The following CACNA1E variants were observed in gnomAD, a reference collection of about 807,000 sequenced individuals.
CACNA1E encodes the protein voltage-dependent R-type calcium channel subunit alpha-1E.
In CACNA1E, 40 loss-of-function variants were observed where a neutral mutation model predicts 259.2. That is an observed-to-expected ratio of 0.15 (90% CI 0.12 to 0.20). CACNA1E has a LOEUF of 0.20. Ranked by LOEUF, CACNA1E falls within the 10% of genes least tolerant of loss-of-function variation. The probability of loss-of-function intolerance (pLI) is 1.00; values close to 1 mark genes in which losing one functional copy is unlikely to be tolerated. For synonymous variants in CACNA1E, 1,104 were observed against 1,138.5 expected, an observed-to-expected ratio of 0.97 and a Z score of 0.61; for missense variants, 1,874 against 3,040.1, an observed-to-expected ratio of 0.62 and a Z score of 9.02.
chr1:181,659,773 G>C (rs945286858), intron 7 of CACNA1E, among the ~76,000 whole-genome samples: 1 of 152,222 alleles, frequency 6.6e-6, no homozygotes, highest in African/African-American at 2.4e-5. Flanking sequence ...TATGTGGACA[G>C]TATCTTTATT....
chr1:181,546,083 G>A lies in CACNA1E; in HGVS notation c.513-31683G>A, dbSNP rs1299947655. ...GCCGTGGGGAAGCAGAAGCTGCCCCGACAGTCTTGTAAATGGAGTGTTCAC... is the reference window on the plus strand; with the variant it reads ...GCCGTGGGGAAGCAGAAGCTGCCCCAACAGTCTTGTAAATGGAGTGTTCAC... On this transcript the variant is annotated intron_variant, in intron 3 of 47. Coordinates refer to ENST00000367573, the MANE Select transcript of CACNA1E (RefSeq NM_001205293.3). 3.9e-5 allele frequency among the ~76,000 whole-genome samples: 6 copies of A among 152,068 alleles called. No individual in the cohort carries two copies. In the South Asian group the frequency reaches 6.2e-4, roughly 16 times the overall value.
chr1:181,662,989 A>G (rs1647840006), intron 7 of CACNA1E, among the ~76,000 whole-genome samples: 1 of 152,118 alleles, frequency 6.6e-6, no homozygotes, highest in African/African-American at 2.4e-5. Context: ...CATCCCTCTC[A>G]GCTTGTTTTA....
At chr1:181,509,416 C>A (rs535607633) in intron 1 of CACNA1E, among the ~76,000 whole-genome samples, 59 of 152,292 alleles carry the variant, frequency 3.9e-4, no homozygotes, top group Middle Eastern at 3.4e-3. Context: ...AGAACAGTCC[C>A]TTTCCTTCCC....
rs1654707390 is a variant in CACNA1E, at chr1:181,724,501, T to A, written c.2106T>A (p.Ala702=). The A allele has an allele frequency of 6.2e-7, 1 of 1,613,476 alleles. No individual in the cohort carries two copies. Among genetic ancestry groups the A allele is most frequent in the Non-Finnish European group, 8.5e-7 (1 of 1,179,702 alleles). Residue 702 remains alanine, a synonymous_variant, in exon 17 of 48, where the codon GCT becomes GCA. Transcript: ENST00000367573. ...TACTGAATGTGTTCTTGGCTATCGCTGTGGATAATCTCGCCAACGCCCAGG... is the reference window on the plus strand; with the variant it reads ...TACTGAATGTGTTCTTGGCTATCGCAGTGGATAATCTCGCCAACGCCCAGG... ...YTLLNVFLAI[A]VDNLANAQEL...
intron 3 of CACNA1E, among the ~76,000 whole-genome samples, chr1:181,525,848 G>A (rs12566145): frequency 0.014 from 2,176 of 152,292 alleles, 71 homozygotes; most frequent in East Asian, 0.14. Context: ...GCTTGTTGCA[G>A]TTTATGACAT....
At chr1:181,717,940 A>G in intron 11 of CACNA1E, 115 bp from the exon 12 acceptor site, 1 of 623,396 alleles carries the variant, frequency 1.6e-6, no homozygotes, top group Non-Finnish European at 2.9e-6. Context: ...TGATGTGGCC[A>G]CCGAATGTCC....
chr1:181,397,009 G>A (rs1285873858), intron 1 of CACNA1E, among the ~76,000 whole-genome samples: 1 of 152,234 alleles, frequency 6.6e-6, no homozygotes, highest in Non-Finnish European at 1.5e-5. Flanking sequence ...CAATGGAACA[G>A]CTGGGACTCC....
chr1:181,513,492 A>G (rs1475770413), intron 3 of CACNA1E, among the ~76,000 whole-genome samples: 1 of 152,230 alleles, frequency 6.6e-6, no homozygotes, highest in Admixed American at 6.5e-5. Context: ...AATAATTATT[A>G]AAGATGCTCC....
intron 3 of CACNA1E, among the ~76,000 whole-genome samples, chr1:181,569,583 T>G (rs1650199828): frequency 6.6e-6 from 1 of 152,260 alleles, no homozygotes; most frequent in African/African-American, 2.4e-5. Context: ...AAACATCATG[T>G]GTAATTCAGT....
At chr1:181,683,683 T>TG (rs1650221755) in intron 7 of CACNA1E, among the ~76,000 whole-genome samples, 1 of 152,228 alleles carries the variant, frequency 6.6e-6, no homozygotes, top group South Asian at 2.1e-4. Flanking sequence ...AATGAGAACA[T>TG]GCAGTATTTG....
chr1:181,555,911 A>G (rs1237600589), intron 3 of CACNA1E, among the ~76,000 whole-genome samples: 2 of 152,224 alleles, frequency 1.3e-5, no homozygotes, highest in Non-Finnish European at 2.9e-5. Context: ...AAGGCTAGAA[A>G]GAAGTTCAGA....
chr1:181,596,747 C>T (rs1395656368), intron 6 of CACNA1E, among the ~76,000 whole-genome samples: 3 of 152,088 alleles, frequency 2.0e-5, no homozygotes, highest in Admixed American at 1.3e-4. Context: ...TAGTACTGTA[C>T]ATAATTCATA....
Position 181,561,309 on chromosome 1 carries a change from A to G in CACNA1E, c.513-16457A>G, listed in dbSNP as rs528934419. Among the ~76,000 whole-genome samples, 80 of 152,304 alleles carry G rather than the reference A, an allele frequency of 5.3e-4. 1 individual carries two copies. The highest frequency in any genetic ancestry group is 1.9e-3 in the African/African-American group (79 of 41,576). ...TTTGAAGTTGGGTTTATTGGGGTAT[A>G]ATTTGCATTTAGCAAAATCCATTCT... On this transcript the variant is annotated intron_variant, in intron 3 of 47. Transcript: ENST00000367573.
At chr1:181,607,187 G>T (rs1460608095) in intron 6 of CACNA1E, among the ~76,000 whole-genome samples, 2 of 152,132 alleles carry the variant, frequency 1.3e-5, no homozygotes, top group East Asian at 3.9e-4. Flanking sequence ...TGTGCCTAGG[G>T]CTTTGATTCA....
At position 181,790,452 on chromosome 1, in the gene CACNA1E, C is replaced by T. The variant is rs776416674; in HGVS notation, c.5794C>T (p.Arg1932Trp). Residue 1932 changes from arginine to tryptophan, a missense_variant, in exon 44 of 48, where the codon CGG becomes TGG. Physicochemically the swap from Arg to Trp is moderately radical, Grantham distance 101. Coordinates refer to ENST00000367573, the MANE Select transcript of CACNA1E (RefSeq NM_001205293.3). Reference sequence around the variant, plus strand: ...TTTGACATTGCTTTTCAGGAGTGGCCGGAGTGGATACCCTTCGATGAGTCC... The same window carrying T: ...TTTGACATTGCTTTTCAGGAGTGGCTGGAGTGGATACCCTTCGATGAGTCC... ...QQDPVSGLSG[R>W]SGYPSMSPLS... 1.6e-5 allele frequency: 26 copies of T among 1,608,102 alleles called. No individual in the cohort carries two copies. The highest frequency in any genetic ancestry group is 1.6e-4 in the East Asian group (7 of 44,864).
At chr1:181,412,475 C>T (rs970419383) in intron 1 of CACNA1E, among the ~76,000 whole-genome samples, 10 of 151,916 alleles carry the variant, frequency 6.6e-5, no homozygotes, top group African/African-American at 2.2e-4. Flanking sequence ...GAGGCTGAGA[C>T]GGGAGGATCA....
intron 1 of CACNA1E, among the ~76,000 whole-genome samples, chr1:181,400,214 A>G (rs1245691193): frequency 1.3e-5 from 2 of 152,140 alleles, no homozygotes; most frequent in Non-Finnish European, 2.9e-5. Flanking sequence ...GTTTCCAGCC[A>G]CTTTAGTGGA....
At chr1:181,454,270 C>A (rs1400347002) in intron 2 of CACNA1E, among the ~76,000 whole-genome samples, 1 of 152,182 alleles carries the variant, frequency 6.6e-6, no homozygotes, top group Non-Finnish European at 1.5e-5. Flanking sequence ...GGCCCCCATC[C>A]CCACCCCGCT....
Position 181,720,223 on chromosome 1 carries a change from G to A in CACNA1E, c.1769G>A (p.Arg590Gln), listed in dbSNP as rs1373949411. ...FKITKYWASLRNLVVSLMSSM... is the reference protein window; with the variant it reads ...FKITKYWASLQNLVVSLMSSM... ...TTTTGTAGGTATTGGGCTTCCCTACGGAATTTGGTGGTCTCCTTGATGAGC... is the reference window on the plus strand; with the variant it reads ...TTTTGTAGGTATTGGGCTTCCCTACAGAATTTGGTGGTCTCCTTGATGAGC... The change falls in exon 14 of 48, where the codon CGG (arginine) becomes CAG (glutamine). Residue 590 changes from arginine to glutamine, a missense_variant. This residue lies in a region of CACNA1E where 102 missense variants were observed against 279.4 expected (regional missense o/e 0.37). Coordinates refer to ENST00000367573, the MANE Select transcript of CACNA1E (RefSeq NM_001205293.3). 6.2e-7 allele frequency: 1 copy of A among 1,613,756 alleles called. No individual in the cohort carries two copies. Among genetic ancestry groups the A allele is most frequent in the Non-Finnish European group, 8.5e-7 (1 of 1,179,854 alleles).
Sources: gnomAD v4.1 joint callset for allele counts (sites outside exome capture counted in the v4.1 genomes callset) on GRCh38, gnomAD v4.1.1 for gene constraint, gnomAD v4.1.1 regional missense constraint, MANE v1.5 for transcripts, NCBI Gene and HGNC (gene_info 2026-07-23, HGNC 2026-07-21) for gene names.